The following ALDH9A1 variants were observed in gnomAD, a reference collection of about 807,000 sequenced individuals.
ALDH9A1 encodes the protein 4-trimethylaminobutyraldehyde dehydrogenase.
ALDH9A1 carries 42 observed loss-of-function variants against 56.6 expected under a neutral mutation model. That is an observed-to-expected ratio of 0.74 (90% CI 0.58 to 0.96). The LOEUF is 0.96. ALDH9A1 is among the 40% of genes least tolerant of loss of function. The probability of loss-of-function intolerance (pLI) is 0.00; values close to 1 mark genes in which losing one functional copy is unlikely to be tolerated. For missense variants in ALDH9A1, 661 were observed against 651.5 expected (o/e 1.01, Z -0.16); for synonymous variants, 242 against 236.0 (o/e 1.03, Z -0.23).
intron 6 of ALDH9A1, chr1:165,671,609 A>T (rs771881184): frequency 6.3e-5 from 30 of 474,480 alleles, no homozygotes; most frequent in Non-Finnish European, 1.0e-4. Flanking sequence ...TGAGGATGCT[A>T]AATTCTGTCT....
chr1:165,667,402 G>A lies in ALDH9A1; in HGVS notation c.1256C>T (p.Pro419Leu). The change falls in exon 9 of 11, where the codon CCT becomes CTT. Residue 419 changes from proline to leucine, a missense_variant. Coordinates refer to ENST00000354775, the MANE Select transcript of ALDH9A1 (RefSeq NM_000696.4). ...MTCVKEEIFG[P>L]VMSILSFDTE... ...GTCAAATGATAAAATGGACATAACA[G>A]GCCCAAAGATCTCTTCCTTCACACA... 6.2e-7 allele frequency: 1 copy of A among 1,614,070 alleles called. No individual in the cohort carries two copies. The highest frequency in any genetic ancestry group is 8.5e-7 in the Non-Finnish European group (1 of 1,179,988).
chr1:165,678,313 G>C (rs568435239), intron 6 of ALDH9A1, among the ~76,000 whole-genome samples: 1 of 152,176 alleles, frequency 6.6e-6, no homozygotes, highest in African/African-American at 2.4e-5. Flanking sequence ...CCGTCTGGGG[G>C]ACAGAGCTAG....
Position 165,662,472 on chromosome 1 carries a change from A to C in ALDH9A1, c.*578T>G, listed in dbSNP as rs1372773687. 3 of 152,396 alleles carry C rather than the reference A, an allele frequency of 2.0e-5. No individual in the cohort carries two copies. Among genetic ancestry groups the C allele is most frequent in the East Asian group, 1.9e-4 (1 of 5,198 alleles). The allele number at this position is 152,396 out of a possible 1,614,324, so 9.4% of individuals were successfully genotyped here. On this transcript the variant is annotated 3_prime_UTR_variant, in exon 11 of 11. Transcript: ENST00000354775. ...TCCCAGTTGTCAGCTTTCTCAATGG[A>C]ATGACAAGGGGATATAGCTTAAAAA...
At chr1:165,664,231 T>A (rs193086013) in intron 10 of ALDH9A1, among the ~76,000 whole-genome samples, 23 of 152,188 alleles carry the variant, frequency 1.5e-4, no homozygotes, top group Admixed American at 6.6e-4. Context: ...CTGTAAATAT[T>A]TGCCACAGAA....
chr1:165,691,581 A>C (rs1489802614), intron 2 of ALDH9A1, among the ~76,000 whole-genome samples: 1 of 152,158 alleles, frequency 6.6e-6, no homozygotes, highest in Non-Finnish European at 1.5e-5. Context: ...GTAATAACAA[A>C]CTTCTCTGAG....
At position 165,683,038 on chromosome 1, in the gene ALDH9A1, T is replaced by C. The variant is rs751632703; in HGVS notation, c.400A>G (p.Ile134Val). ...GKSIFEARLD[I>V]DISWQCLEYY... ...TCCAGGCACTGCCAGGAAATGTCAATGTCCAAGCGGGCCTCAAAGATGGAC... is the reference window on the plus strand; with the variant it reads ...TCCAGGCACTGCCAGGAAATGTCAACGTCCAAGCGGGCCTCAAAGATGGAC... The change falls in exon 3 of 11, where the codon ATT becomes GTT. Residue 134 changes from isoleucine to valine, a missense_variant. By Grantham distance (29) the Ile-to-Val change is conservative. Coordinates refer to ENST00000354775, the MANE Select transcript of ALDH9A1 (RefSeq NM_000696.4). 14 of 1,614,000 alleles carry C rather than the reference T, an allele frequency of 8.7e-6. No homozygotes were observed. The South Asian group carries it at 1.3e-4, about 15-fold the overall frequency.
rs2101763554 is a variant in ALDH9A1, at chr1:165,698,406, A to G, written c.153T>C (p.Gly51=). The part of the protein sequence containing the change: ...GARVEPADAS[G]TEKAFEPATG... ...TTGCTGGCTCGAAAGCTTTCTCGGT[A>G]CCGGAGGCGTCCGCCGGCTCCACGC... is the stretch of plus-strand genomic sequence containing the variant. Residue 51 remains glycine, a synonymous_variant, in exon 1 of 11, where the codon GGT becomes GGC. Transcript: ENST00000354775. 1 of 1,605,586 alleles carries G rather than the reference A, an allele frequency of 6.2e-7. No individual in the cohort carries two copies. The highest frequency in any genetic ancestry group is 8.5e-7 in the Non-Finnish European group (1 of 1,177,068).
chr1:165,682,697 C>T, intron 3 of ALDH9A1: 1 of 368,000 alleles, frequency 2.7e-6, no homozygotes, highest in Non-Finnish European at 4.9e-6. Flanking sequence ...CAAACCGATT[C>T]TTATGAAAAC....
chr1:165,670,431 T>TA (rs1356451343), intron 6 of ALDH9A1, among the ~76,000 whole-genome samples: 14 of 150,756 alleles, frequency 9.3e-5, no homozygotes, highest in Non-Finnish European at 1.8e-4. Flanking sequence ...AGCGAGACTT[T>TA]TTTTTTTTTA....
intron 2 of ALDH9A1, among the ~76,000 whole-genome samples, chr1:165,689,326 G>T (rs1340353397): frequency 6.6e-6 from 1 of 152,178 alleles, no homozygotes; most frequent in Non-Finnish European, 1.5e-5. Flanking sequence ...TCTCCCTAAA[G>T]ATAAAGAAAT....
At chr1:165,697,720 G>A (rs1161820522) in intron 1 of ALDH9A1, among the ~76,000 whole-genome samples, 1 of 152,044 alleles carries the variant, frequency 6.6e-6, no homozygotes, top group Non-Finnish European at 1.5e-5. Flanking sequence ...TAATACATCA[G>A]TCCTGGTTTT....
chr1:165,676,612 T>C (rs377591357), intron 6 of ALDH9A1: 129 of 312,976 alleles, frequency 4.1e-4, no homozygotes, highest in African/African-American at 2.7e-3. Flanking sequence ...AGACCCAAGA[T>C]AGCTTCTGAA....
intron 1 of ALDH9A1, among the ~76,000 whole-genome samples, chr1:165,695,698 A>G (rs1187988197): frequency 6.6e-6 from 1 of 151,640 alleles, no homozygotes; most frequent in East Asian, 1.9e-4. Context: ...GGGTTTCACC[A>G]TGTTGACCAG....
intron 1 of ALDH9A1, among the ~76,000 whole-genome samples, chr1:165,697,972 T>C (rs1268871866): frequency 6.6e-6 from 1 of 152,178 alleles, no homozygotes; most frequent in Non-Finnish European, 1.5e-5. Flanking sequence ...GAGGGCGCAG[T>C]GAGCTCTGAG....
chr1:165,666,076 T>C (rs1389573733), intron 9 of ALDH9A1, among the ~76,000 whole-genome samples: 1 of 152,160 alleles, frequency 6.6e-6, no homozygotes, highest in Non-Finnish European at 1.5e-5. Flanking sequence ...TATTTGGGAA[T>C]AAAGTACTGA....
At chr1:165,678,578 C>T (rs145219776) in intron 6 of ALDH9A1, among the ~76,000 whole-genome samples, 4 of 152,224 alleles carry the variant, frequency 2.6e-5, no homozygotes, top group African/African-American at 7.2e-5. Context: ...CAGCAAGAAT[C>T]GTCAGTGGTG....
chr1:165,679,656 A>G (rs1219693575), intron 5 of ALDH9A1, 74 bp from the exon 6 acceptor site: 4 of 1,501,406 alleles, frequency 2.7e-6, no homozygotes, highest in Non-Finnish European at 3.7e-6. Flanking sequence ...TAGGCCCTGA[A>G]CCTACAAAAT....
chr1:165,675,433 T>C (rs146912928), intron 6 of ALDH9A1, among the ~76,000 whole-genome samples: 47 of 152,108 alleles, frequency 3.1e-4, no homozygotes, highest in African/African-American at 1.1e-3. Flanking sequence ...CTTTTGTGTA[T>C]GAAAGAAGAA....
At chr1:165,671,337 T>C (rs963222514) in intron 6 of ALDH9A1, 9 of 398,488 alleles carry the variant, frequency 2.3e-5, no homozygotes, top group African/African-American at 1.0e-4. Flanking sequence ...TGAAGTGGGG[T>C]TGCTGAAGTA....
Sources: allele counts gnomAD v4.1 joint callset (sites outside exome capture counted in the v4.1 genomes callset), GRCh38; gene constraint gnomAD v4.1.1; transcripts MANE v1.5; gene names NCBI Gene and HGNC (gene_info 2026-07-23, HGNC 2026-07-21).